Variants in GON4L observed in about 807,000 individuals in gnomAD.
GON4L encodes the protein gon-4 like.
Under a neutral mutation model 211.8 loss-of-function variants are expected in GON4L, and 87 were observed. That is an observed-to-expected ratio of 0.41 (90% CI 0.35 to 0.49). The LOEUF (loss-of-function observed/expected upper bound fraction) is 0.49, where lower values mean the gene tolerates loss of function less well. Ranked by LOEUF, GON4L falls within the 20% of genes least tolerant of loss-of-function variation. The pLI, the probability that GON4L is intolerant of heterozygous loss-of-function variation, is 0.15. For missense variants in GON4L, 2,155 were observed against 2,659.5 expected (o/e 0.81, Z 4.17); for synonymous variants, 875 against 962.6 (o/e 0.91, Z 1.68).
At chr1:155,797,311 C>T (rs1403218119) in intron 11 of GON4L, among the ~76,000 whole-genome samples, 2 of 151,664 alleles carry the variant, frequency 1.3e-5, no homozygotes, top group Admixed American at 1.3e-4. Context: ...GACGGCGTTT[C>T]ACCATGTTGG....
intron 2 of GON4L, among the ~76,000 whole-genome samples, chr1:155,844,580 A>G (rs1671062695): frequency 6.6e-6 from 1 of 152,028 alleles, no homozygotes; most frequent in Non-Finnish European, 1.5e-5. Flanking sequence ...ACATAGTGAG[A>G]CTGTGTCTCT....
chr1:155,804,203 T>A (rs534736423), intron 11 of GON4L, among the ~76,000 whole-genome samples: 1 of 151,910 alleles, frequency 6.6e-6, no homozygotes, highest in South Asian at 2.1e-4. Flanking sequence ...GCAACATTTC[T>A]CTACAGAAAT....
intron 10 of GON4L, among the ~76,000 whole-genome samples, chr1:155,812,644 C>T (rs977315145): frequency 4.6e-5 from 7 of 151,870 alleles, no homozygotes; most frequent in African/African-American, 1.7e-4. Flanking sequence ...CAACCTCTGC[C>T]TCCCGGGTTC....
intron 5 of GON4L, among the ~76,000 whole-genome samples, chr1:155,821,091 C>G (rs1268109516): frequency 1.3e-5 from 2 of 152,030 alleles, no homozygotes; most frequent in Non-Finnish European, 2.9e-5. Context: ...GTGGTGAAAC[C>G]CCGTCTCTAT....
intron 13 of GON4L, 89 bp from the exon 14 acceptor site, chr1:155,784,178 T>A: frequency 6.5e-7 from 1 of 1,533,674 alleles, no homozygotes; most frequent in Non-Finnish European, 9.0e-7. Flanking sequence ...AAACTATAGA[T>A]TACAAGACTA....
intron 12 of GON4L, among the ~76,000 whole-genome samples, chr1:155,787,692 G>A (rs568710245): frequency 6.6e-6 from 1 of 152,096 alleles, no homozygotes; most frequent in Non-Finnish European, 1.5e-5. Context: ...AGAATCACTT[G>A]AACCCAGGAG....
In GON4L at chr1:155,750,172, A is replaced by G. The variant is rs1360889956; in HGVS notation, c.*412T>C. ...TGTGGGAGAAAGGAGCTAGTTTGCA[A>G]TAAAAACAGCTGGATGCAGGAGCCC... On this transcript the variant is annotated 3_prime_UTR_variant, in exon 32 of 32. Transcript: ENST00000368331. The G allele has an allele frequency of 1.7e-6, 1 of 580,112 alleles. No individual in the cohort carries two copies. The highest frequency in any genetic ancestry group is 2.0e-5 in the South Asian group (1 of 48,926). 35.9% of individuals were successfully genotyped at this position (580,112 alleles called of 1,614,324 possible). A position where few individuals can be genotyped will look rare whatever the true frequency, so the allele number is the denominator to read the frequency against.
At chr1:155,785,309 T>A in intron 13 of GON4L, 25 bp downstream of exon 13, 1 of 1,478,094 alleles carries the variant, frequency 6.8e-7, no homozygotes, top group Non-Finnish European at 9.5e-7. Context: ...AAATCCCGTG[T>A]TCTCACTCGA....
At chr1:155,839,704 T>C (rs1670614245) in intron 2 of GON4L, among the ~76,000 whole-genome samples, 1 of 151,138 alleles carries the variant, frequency 6.6e-6, no homozygotes, top group Admixed American at 6.6e-5. Context: ...CATTCAACCA[T>C]ATCATACATG....
Position 155,765,603 on chromosome 1 carries a change from CCAG to C in GON4L, c.3867_3869del (p.Trp1290del), listed in dbSNP as rs1662372330. 1 of 1,613,992 alleles carries C rather than the reference CCAG, an allele frequency of 6.2e-7. No individual in the cohort carries two copies. The highest frequency in any genetic ancestry group is 1.1e-5 in the South Asian group (1 of 91,080). On this transcript the variant is annotated inframe_deletion, in exon 21 of 32. Coordinates refer to ENST00000368331, the MANE Select transcript of GON4L (RefSeq NM_001282860.2). ...TCCCCTCCTCTGTTTTCACAACGGTCCAGCGACAGGCACTATTCTCTGACAATC... is the reference window on the plus strand; with the variant it reads ...TCCCCTCCTCTGTTTTCACAACGGTCCGACAGGCACTATTCTCTGACAATC...
intron 3 of GON4L, among the ~76,000 whole-genome samples, chr1:155,823,001 G>C (rs1428787053): frequency 6.8e-6 from 1 of 146,090 alleles, no homozygotes; most frequent in Non-Finnish European, 1.5e-5. Flanking sequence ...CTCCATGTTG[G>C]TCAGGCTGGT....
chr1:155,761,142 G>A (rs1661747740), intron 23 of GON4L, among the ~76,000 whole-genome samples: 1 of 151,400 alleles, frequency 6.6e-6, no homozygotes, highest in African/African-American at 2.4e-5. Flanking sequence ...CAGTTCTCCA[G>A]GACACTACCA....
chr1:155,811,476 C>T (rs1667766342), intron 10 of GON4L, among the ~76,000 whole-genome samples: 2 of 145,812 alleles, frequency 1.4e-5, no homozygotes, highest in Non-Finnish European at 3.0e-5. Flanking sequence ...ATTGATTGGG[C>T]TGGGTGCATT....
At chr1:155,749,508 C>T, downstream of GON4L, 2 of 1,405,288 alleles carry the variant, frequency 1.4e-6, no homozygotes, top group Admixed American at 2.0e-5. Flanking sequence ...AATGGCTGTT[C>T]TCTGCCCCCA....
downstream of GON4L, among the ~76,000 whole-genome samples, chr1:155,745,439 A>C (rs551212372): frequency 3.7e-4 from 57 of 152,314 alleles, no homozygotes; most frequent in Non-Finnish European, 4.0e-4. Context: ...GCAAGGTTTC[A>C]TTTTTGCCCG....
chr1:155,752,477 T>G lies in GON4L; in HGVS notation c.5956A>C (p.Thr1986Pro), dbSNP rs551487328. Residue 1986 changes from threonine (T) to proline (P), a missense_variant, in exon 30 of 32, where the codon ACA becomes CCA. By Grantham distance (38) the Thr-to-Pro change is conservative (BLOSUM62 -1). Transcript: ENST00000368331. ...ACAGTGTACAGTACAGCTCCAGTTGTGGGGGGAAATTGAGGAGTCTCTGGT... is the reference window on the plus strand; with the variant it reads ...ACAGTGTACAGTACAGCTCCAGTTGGGGGGGGAAATTGAGGAGTCTCTGGT... ...HSPETPQFPP[T>P]TGAVLYTVKR... 115 of 1,571,750 alleles carry G rather than the reference T, an allele frequency of 7.3e-5. No individual in the cohort carries two copies. Among genetic ancestry groups the G allele is most frequent in the Admixed American group, 2.1e-4 (11 of 52,494 alleles).
At chr1:155,833,575 G>A (rs1669993104) in intron 2 of GON4L, among the ~76,000 whole-genome samples, 1 of 136,644 alleles carries the variant, frequency 7.3e-6, no homozygotes, top group Non-Finnish European at 1.6e-5. Context: ...GAACCCGGGA[G>A]GTGGAGCTTG....
At chr1:155,847,689 G>A (rs531661801) in intron 2 of GON4L, among the ~76,000 whole-genome samples, 8 of 152,098 alleles carry the variant, frequency 5.3e-5, no homozygotes, top group South Asian at 2.1e-4. Context: ...GCAACAGAGC[G>A]AGACTCCATC....
rs954681794 is a variant in GON4L, at chr1:155,773,179, C to A, written c.2382G>T (p.Val794=). The A allele has an allele frequency of 1.2e-6, 2 of 1,614,096 alleles. No homozygotes were observed. The highest frequency in any genetic ancestry group is 8.5e-7 in the Non-Finnish European group (1 of 1,179,992). Residue 794 remains valine, a synonymous_variant, in exon 18 of 32, where the codon GTG becomes GTT. Coordinates refer to ENST00000368331, the MANE Select transcript of GON4L (RefSeq NM_001282860.2). ...ANEFPCLPKQ[V]AWILATSKVF... ...CCTTGCTTGTGGCCAGAATCCAAGC[C>A]ACTTGCTTTGGCAAACAGGGAAATT...
Sources: gnomAD v4.1 joint callset for allele counts (sites outside exome capture counted in the v4.1 genomes callset) on GRCh38, gnomAD v4.1.1 for gene constraint, MANE v1.5 for transcripts, NCBI Gene and HGNC (gene_info 2026-07-23, HGNC 2026-07-21) for gene names.